FAM107B: variants seen among roughly 807,000 people sequenced by gnomAD.
FAM107B encodes protein FAM107B.
FAM107B carries 21 observed loss-of-function variants against 31.5 expected under a neutral mutation model. The observed-to-expected ratio is 0.67, with a 90% CI of 0.47 to 0.96. FAM107B has a LOEUF of 0.96. FAM107B is among the 40% of genes least tolerant of loss of function. The pLI is 0.00. For missense variants in FAM107B, 452 were observed against 377.1 expected (o/e 1.20, Z -1.64); for synonymous variants, 157 against 141.5 (o/e 1.11, Z -0.78).
At chr10:14,758,865 C>A (rs1174003044) in intron 1 of FAM107B, among the ~76,000 whole-genome samples, 3 of 123,776 alleles carry the variant, frequency 2.4e-5, no homozygotes, top group East Asian at 2.4e-4. Context: ...CAAAGCAAGA[C>A]CCTCTCAGAA....
intron 1 of FAM107B, among the ~76,000 whole-genome samples, chr10:14,754,440 C>T (rs1348772932): frequency 2.6e-5 from 4 of 152,134 alleles, no homozygotes; most frequent in Admixed American, 1.3e-4. Flanking sequence ...CCCTTAAACA[C>T]GAGGACAACA....
intron 2 of FAM107B, chr10:14,555,894 A>AACACACAC (rs56270507): frequency 0.14 from 20,132 of 148,076 alleles, 1,466 homozygotes; most frequent in Middle Eastern, 0.19. Context: ...AGACATCTTT[A>AACACACAC]ACACACACAC....
At chr10:14,740,837 G>C (rs915577933) in intron 1 of FAM107B, among the ~76,000 whole-genome samples, 2 of 152,180 alleles carry the variant, frequency 1.3e-5, no homozygotes, top group African/African-American at 4.8e-5. Flanking sequence ...TTGTTATGCA[G>C]CTGTGCCTAA....
chr10:14,666,163 G>T (rs1588693508), intron 2 of FAM107B, among the ~76,000 whole-genome samples: 2 of 152,178 alleles, frequency 1.3e-5, no homozygotes, highest in Non-Finnish European at 2.9e-5. Flanking sequence ...TTAACAGAAA[G>T]ATTATTTTGG....
At chr10:14,596,652 G>A (rs765956549) in intron 2 of FAM107B, among the ~76,000 whole-genome samples, 32 of 152,140 alleles carry the variant, frequency 2.1e-4, no homozygotes, top group Non-Finnish European at 1.9e-4. Flanking sequence ...TACGTCTGAT[G>A]TCTATGACTT....
chr10:14,622,547 C>T (rs1853041201), intron 2 of FAM107B, among the ~76,000 whole-genome samples: 2 of 152,076 alleles, frequency 1.3e-5, no homozygotes, highest in Non-Finnish European at 2.9e-5. Context: ...CCTCGTGATC[C>T]ACCCGCCTTG....
chr10:14,585,825 G>C (rs554871380), intron 2 of FAM107B, among the ~76,000 whole-genome samples: 1 of 152,144 alleles, frequency 6.6e-6, no homozygotes, highest in East Asian at 1.9e-4. Context: ...CCAAGTACTC[G>C]TGAGTAGGGT....
At chr10:14,559,892 T>C (rs1462608686) in intron 2 of FAM107B, among the ~76,000 whole-genome samples, 1 of 152,132 alleles carries the variant, frequency 6.6e-6, no homozygotes, top group African/African-American at 2.4e-5. Flanking sequence ...TTTTGTGTAG[T>C]ATTGGATTAA....
intron 2 of FAM107B, among the ~76,000 whole-genome samples, chr10:14,637,702 T>C (rs187356920): frequency 4.9e-4 from 75 of 152,274 alleles, no homozygotes; most frequent in African/African-American, 1.7e-3. Flanking sequence ...GATGATTTTA[T>C]TCATCTTGCT....
chr10:14,683,308 G>C (rs1280639992), intron 1 of FAM107B, among the ~76,000 whole-genome samples: 1 of 152,216 alleles, frequency 6.6e-6, no homozygotes, highest in East Asian at 1.9e-4. Context: ...GGTTAAGGAA[G>C]AGGATAGGTG....
intron 2 of FAM107B, among the ~76,000 whole-genome samples, chr10:14,661,050 C>T (rs1239490237): frequency 6.6e-6 from 1 of 152,178 alleles, no homozygotes; most frequent in African/African-American, 2.4e-5. Flanking sequence ...ACTTCGCCCT[C>T]TTCCTCCTTC....
At chr10:14,701,674 A>C (rs1351087755) in intron 1 of FAM107B, among the ~76,000 whole-genome samples, 2 of 152,194 alleles carry the variant, frequency 1.3e-5, no homozygotes, top group Non-Finnish European at 2.9e-5. Context: ...CGCATCAGGA[A>C]ACCAGAAAGA....
At chr10:14,696,557 AAGAACTT>A (rs1472688573) in intron 1 of FAM107B, among the ~76,000 whole-genome samples, 2 of 152,076 alleles carry the variant, frequency 1.3e-5, no homozygotes, top group African/African-American at 4.8e-5. Context: ...GTGGGGGGTA[AAGAACTT>A]AAGAAGTATT....
rs192369392 is a variant in FAM107B at position 14,686,324 on chromosome 10, G to A, written c.412-18633C>T. Among the ~76,000 whole-genome samples, 494 of 151,270 alleles carry A rather than the reference G, an allele frequency of 3.3e-3. 2 individuals are homozygous for A. Among genetic ancestry groups the A allele is most frequent in the African/African-American group, 0.011 (461 of 41,116 alleles). ...GAATCACTTGAACCCAGGAGGCGGAGATTGCAGTGAGCTGAGATTGCACCA... is the reference window on the plus strand; with the variant it reads ...GAATCACTTGAACCCAGGAGGCGGAAATTGCAGTGAGCTGAGATTGCACCA... On this transcript the variant is annotated intron_variant, in intron 1 of 4. Transcript: ENST00000181796.
At position 14,745,543 on chromosome 10, in the gene FAM107B, T is replaced by C. The variant is rs183802463; in HGVS notation, c.411+28710A>G. On this transcript the variant is annotated intron_variant, in intron 1 of 4. Coordinates refer to ENST00000181796, the MANE Select transcript of FAM107B (RefSeq NM_031453.4). ...TTCAAAGACCTTCTTGATTTCTGCCTTAATTTCATTATTTACCCAGGAGTC... is the reference window on the plus strand; with the variant it reads ...TTCAAAGACCTTCTTGATTTCTGCCCTAATTTCATTATTTACCCAGGAGTC... Among the ~76,000 whole-genome samples, 472 of 152,320 alleles carry C rather than the reference T, an allele frequency of 3.1e-3. 5 individuals carry two copies. The highest frequency in any genetic ancestry group is 4.4e-3 in the Non-Finnish European group (297 of 68,008).
chr10:14,711,867 C>T (rs1315736560), intron 1 of FAM107B, among the ~76,000 whole-genome samples: 1 of 152,208 alleles, frequency 6.6e-6, no homozygotes, highest in East Asian at 1.9e-4. Context: ...TGGTCTCAAA[C>T]TCCTGACCTC....
intron 1 of FAM107B, among the ~76,000 whole-genome samples, chr10:14,693,653 A>G (rs968680090): frequency 6.6e-6 from 1 of 152,108 alleles, no homozygotes; most frequent in African/African-American, 2.4e-5. Flanking sequence ...AATACAGTAC[A>G]GTTTTTTTTA....
intron 1 of FAM107B, among the ~76,000 whole-genome samples, chr10:14,697,121 C>A (rs1855284517): frequency 6.6e-6 from 1 of 152,152 alleles, no homozygotes. Context: ...GGATGGGGAG[C>A]CAGTTCTGTG....
intron 2 of FAM107B, among the ~76,000 whole-genome samples, chr10:14,551,399 T>C (rs917361581): frequency 6.6e-6 from 1 of 152,078 alleles, no homozygotes; most frequent in Non-Finnish European, 1.5e-5. Flanking sequence ...CCCGCCTTGG[T>C]CTCCCAAAGT....
Sources: allele counts gnomAD v4.1 joint callset (sites outside exome capture counted in the v4.1 genomes callset), GRCh38; gene constraint gnomAD v4.1.1; transcripts MANE v1.5; gene names NCBI Gene and HGNC (gene_info 2026-07-23, HGNC 2026-07-21).